CHRM3: variants seen among roughly 807,000 people sequenced by gnomAD.
The protein encoded by CHRM3 is cholinergic receptor muscarinic 3.
CHRM3 carries 11 observed loss-of-function variants against 41.8 expected under a neutral mutation model. The ratio of observed to expected loss-of-function variants is 0.26; its 90% CI spans 0.17 to 0.44. The LOEUF (loss-of-function observed/expected upper bound fraction) is 0.44, where lower values mean the gene tolerates loss of function less well. Among genes scored for constraint, CHRM3 ranks in the 20% least tolerant of loss-of-function variants. The probability of loss-of-function intolerance (pLI) is 1.00; values close to 1 mark genes in which losing one functional copy is unlikely to be tolerated. For missense variants in CHRM3, 571 were observed against 745.4 expected (o/e 0.77, Z 2.72); for synonymous variants, 297 against 301.4 (o/e 0.99, Z 0.15).
At chr1:239,602,108 G>GTATATATATATATA (rs1293974734) in intron 3 of CHRM3, among the ~76,000 whole-genome samples, 5 of 129,406 alleles carry the variant, frequency 3.9e-5, no homozygotes, top group African/African-American at 1.7e-4. Flanking sequence ...GTGTGTGTGT[G>GTATATATATATATA]TGTATATATA....
At chr1:239,453,855 A>C (rs1316814342) in intron 1 of CHRM3, among the ~76,000 whole-genome samples, 2 of 152,170 alleles carry the variant, frequency 1.3e-5, no homozygotes, top group African/African-American at 4.8e-5. Flanking sequence ...GGAAGGCCTC[A>C]AAACCACAAC....
chr1:239,446,174 A>G (rs1347478140), intron 1 of CHRM3, among the ~76,000 whole-genome samples: 1 of 152,118 alleles, frequency 6.6e-6, no homozygotes, highest in Non-Finnish European at 1.5e-5. Context: ...TGACCTCGTG[A>G]TCCGCCCGCC....
intron 5 of CHRM3, among the ~76,000 whole-genome samples, chr1:239,744,558 C>A (rs1189559046): frequency 2.0e-5 from 3 of 152,066 alleles, no homozygotes; most frequent in Non-Finnish European, 4.4e-5. Context: ...ATGTGAACGG[C>A]TTGTTCCCAA....
intron 4 of CHRM3, among the ~76,000 whole-genome samples, chr1:239,644,913 A>G (rs932180600): frequency 1.3e-5 from 2 of 152,182 alleles, no homozygotes; most frequent in African/African-American, 4.8e-5. Flanking sequence ...AAGTGGGCCT[A>G]CTTGAGACAG....
At chr1:239,477,376 G>A (rs897821475) in intron 1 of CHRM3, among the ~76,000 whole-genome samples, 1 of 152,098 alleles carries the variant, frequency 6.6e-6, no homozygotes, top group Non-Finnish European at 1.5e-5. Flanking sequence ...AGAAGAAGAA[G>A]GTTTTTCTAA....
intron 3 of CHRM3, among the ~76,000 whole-genome samples, chr1:239,550,034 C>T (rs937894769): frequency 3.3e-5 from 5 of 151,930 alleles, no homozygotes; most frequent in Admixed American, 2.6e-4. Context: ...GAAGTGGAAT[C>T]AATGAGCTGT....
At position 239,908,643 on chromosome 1, in the gene CHRM3, A is replaced by T; in HGVS notation, c.1192A>T (p.Met398Leu). 6.2e-7 allele frequency: 1 copy of T among 1,612,100 alleles called. No homozygotes were observed. The highest frequency in any genetic ancestry group is 8.5e-7 in the Non-Finnish European group (1 of 1,179,164). ...GCAGGTGCCTGAGGAGGAGCTGGGG[A>T]TGGTGGACTTGGAGAGGAAAGCCGA... Reference protein sequence around the residue: ...NLQVPEEELGMVDLERKADKL... With the variant: ...NLQVPEEELGLVDLERKADKL... Residue 398 changes from methionine to leucine, a missense_variant, in exon 7 of 7, where the codon ATG becomes TTG. By Grantham distance (15) the Met-to-Leu change is conservative. Transcript: ENST00000676153. This position sits in a 1 kb window ranked among gnomAD's most constrained non-coding sequence, Gnocchi z 7.2.
intron 5 of CHRM3, among the ~76,000 whole-genome samples, chr1:239,813,688 C>T (rs977714743): frequency 1.4e-5 from 2 of 147,532 alleles, no homozygotes; most frequent in Non-Finnish European, 3.0e-5. Flanking sequence ...GAGGCCGAGG[C>T]GGGCGGATCA....
intron 5 of CHRM3, among the ~76,000 whole-genome samples, chr1:239,738,794 G>A (rs1664604829): frequency 6.6e-6 from 1 of 152,126 alleles, no homozygotes; most frequent in Non-Finnish European, 1.5e-5. Flanking sequence ...TGTTCACTTA[G>A]AAAAGCACTG....
At chr1:239,705,196 G>A (rs1661032879) in intron 5 of CHRM3, 1 of 152,160 alleles carries the variant, frequency 6.6e-6, no homozygotes, top group African/African-American at 2.4e-5. Context: ...AGCAGAGCAA[G>A]ACCCCGACTC....
chr1:239,739,033 G>C (rs1486945538), intron 5 of CHRM3, among the ~76,000 whole-genome samples: 1 of 152,120 alleles, frequency 6.6e-6, no homozygotes, highest in Non-Finnish European at 1.5e-5. Flanking sequence ...TTTTGTTAAT[G>C]CTCACTACAG....
chr1:239,408,244 A>G (rs944897553), intron 1 of CHRM3: 5 of 152,124 alleles, frequency 3.3e-5, no homozygotes, highest in Non-Finnish European at 5.9e-5. Context: ...CCCTTATGCC[A>G]TAATTGTAAG....
intron 2 of CHRM3, among the ~76,000 whole-genome samples, chr1:239,519,246 G>T (rs1669468878): frequency 6.6e-6 from 1 of 152,118 alleles, no homozygotes; most frequent in Non-Finnish European, 1.5e-5. Context: ...AATGTAGCAT[G>T]TTATGTACAA....
chr1:239,564,237 A>G (rs1258391176), intron 3 of CHRM3, among the ~76,000 whole-genome samples: 2 of 152,190 alleles, frequency 1.3e-5, no homozygotes, highest in Admixed American at 6.5e-5. Context: ...TAATAAACCT[A>G]ATGTAAAGTA....
intron 5 of CHRM3, among the ~76,000 whole-genome samples, chr1:239,714,717 T>C (rs1444117891): frequency 3.3e-5 from 5 of 152,134 alleles, no homozygotes; most frequent in Non-Finnish European, 7.4e-5. Context: ...TAGAAAATAT[T>C]AGCTCAGCTC....
At position 239,580,301 on chromosome 1, in the gene CHRM3, C is replaced by CACACAT. The variant is rs1553332566; in HGVS notation, c.-313+34557_-313+34558insTACACA. On this transcript the variant is annotated intron_variant, in intron 3 of 6. Transcript: ENST00000676153. The stretch of plus-strand genomic sequence containing the variant: ...ACACACACACACACACACACACACA[C>CACACAT]ACACACATCAAAAATTGACCATATT... Among the ~76,000 whole-genome samples the CACACAT allele has an allele frequency of 7.3e-3, 1,014 of 139,188 alleles. 28 individuals carry two copies. Among genetic ancestry groups the CACACAT allele is most frequent in the African/African-American group, 0.026 (961 of 36,392 alleles). The allele number at this position is 139,188 out of a possible 152,430, so 91.3% of individuals were successfully genotyped here.
intron 6 of CHRM3, among the ~76,000 whole-genome samples, chr1:239,896,750 A>G (rs1679038017): frequency 6.6e-6 from 1 of 152,146 alleles, no homozygotes; most frequent in African/African-American, 2.4e-5. Context: ...CAGCATTGAT[A>G]GCGTCTGCCT....
intron 5 of CHRM3, among the ~76,000 whole-genome samples, chr1:239,741,647 C>T (rs956635121): frequency 2.0e-5 from 3 of 151,682 alleles, no homozygotes; most frequent in Admixed American, 1.3e-4. Flanking sequence ...CCACTGAAGT[C>T]AGTCAAATGT....
At chr1:239,726,989 G>T (rs1281024183) in intron 5 of CHRM3, among the ~76,000 whole-genome samples, 1 of 151,604 alleles carries the variant, frequency 6.6e-6, no homozygotes, top group East Asian at 2.0e-4. Flanking sequence ...TTGGTTACTG[G>T]GTCCACCACT....
Sources: allele counts gnomAD v4.1 joint callset (sites outside exome capture counted in the v4.1 genomes callset), GRCh38; gene constraint gnomAD v4.1.1; non-coding constraint Gnocchi (gnomAD v3.1); transcripts MANE v1.5; gene names NCBI Gene and HGNC (gene_info 2026-07-23, HGNC 2026-07-21).